Variants in PPFIBP2 observed in about 807,000 individuals in gnomAD.
PPFIBP2 encodes liprin-beta-2.
PPFIBP2 carries 118 observed loss-of-function variants against 118.3 expected under a neutral mutation model. The ratio of observed to expected loss-of-function variants is 1.00; its 90% CI spans 0.86 to 1.16. The LOEUF (loss-of-function observed/expected upper bound fraction) is 1.16, where lower values mean the gene tolerates loss of function less well. Ranked by LOEUF, PPFIBP2 falls within the 50% of genes most tolerant of loss-of-function variation. The pLI is 0.00. For missense variants in PPFIBP2, 1,195 were observed against 1,073.1 expected, an observed-to-expected ratio of 1.11 and a Z score of -1.59; for synonymous variants, 414 against 397.4, an observed-to-expected ratio of 1.04 and a Z score of -0.50.
At chr11:7,644,021 A>G (rs1315662007) in intron 17 of PPFIBP2, among the ~76,000 whole-genome samples, 1 of 152,056 alleles carries the variant, frequency 6.6e-6, no homozygotes, top group African/African-American at 2.4e-5. Context: ...AAAGTTTTCT[A>G]CTTTTATGAA....
chr11:7,602,087 C>CAAA (rs201003988), intron 5 of PPFIBP2, among the ~76,000 whole-genome samples: 840 of 54,958 alleles, frequency 0.015, 5 homozygotes, highest in African/African-American at 0.025. Flanking sequence ...GAATGAAACT[C>CAAA]AAAAAAAAAA....
chr11:7,665,623 C>T, the PPFIBP2 span: 14 of 1,452,556 alleles, frequency 9.6e-6, no homozygotes, highest in African/African-American at 1.4e-5. Flanking sequence ...TGCACACCCA[C>T]CCTCAGCCAG....
At chr11:7,648,565 C>G (rs1251757866) in intron 18 of PPFIBP2, 28 bp downstream of exon 18, 1 of 1,609,784 alleles carries the variant, frequency 6.2e-7, no homozygotes, top group Non-Finnish European at 8.5e-7. Flanking sequence ...GGAGAGGAGG[C>G]TCCCATTTCT....
At chr11:7,655,000 G>A (rs908189635), downstream of PPFIBP2, among the ~76,000 whole-genome samples, 3 of 152,170 alleles carry the variant, frequency 2.0e-5, no homozygotes, top group African/African-American at 7.2e-5. Context: ...GAGTAGTGAG[G>A]AAGGATGCCC....
intron 1 of PPFIBP2, among the ~76,000 whole-genome samples, chr11:7,535,015 C>G (rs2134377281): frequency 6.6e-6 from 1 of 152,354 alleles, no homozygotes; most frequent in Non-Finnish European, 1.5e-5. Flanking sequence ...CTTCCTTTGC[C>G]AAGGTGGCTC....
chr11:7,605,027 G>A (rs919670675), intron 5 of PPFIBP2, among the ~76,000 whole-genome samples: 2 of 152,222 alleles, frequency 1.3e-5, no homozygotes, highest in Non-Finnish European at 2.9e-5. Flanking sequence ...AAATGGGAAG[G>A]TCAGTCAGGG....
chr11:7,608,140 A>G (rs888530573), intron 5 of PPFIBP2, among the ~76,000 whole-genome samples: 1 of 152,232 alleles, frequency 6.6e-6, no homozygotes, highest in East Asian at 1.9e-4. Flanking sequence ...TAGCCTTAGC[A>G]CTGGGTCCTG....
intron 1 of PPFIBP2, among the ~76,000 whole-genome samples, chr11:7,529,095 G>A (rs1298679526): frequency 2.0e-5 from 3 of 152,106 alleles, no homozygotes; most frequent in African/African-American, 7.2e-5. Context: ...AATATTCAGA[G>A]GAAGAAGTTG....
At chr11:7,609,646 A>G (rs1338958530) in intron 5 of PPFIBP2, among the ~76,000 whole-genome samples, 1 of 152,202 alleles carries the variant, frequency 6.6e-6, no homozygotes, top group African/African-American at 2.4e-5. Flanking sequence ...GACTAGTAAT[A>G]ACCTCCCTGG....
At position 7,610,441 on chromosome 11, in the gene PPFIBP2, T is replaced by C; in HGVS notation, c.618+19T>C. The C allele has an allele frequency of 1.2e-6, 2 of 1,609,918 alleles. 1 individual carries two copies. Among genetic ancestry groups the C allele is most frequent in the Non-Finnish European group, 1.7e-6 (2 of 1,178,196 alleles). ...AGCAGAGGTAAGGGTGAGTGTGTAC[T>C]GTCCTAAGCTCAGACCTGGGAAGGC... On this transcript the variant is annotated intron_variant, in intron 6 of 23. Transcript: ENST00000299492.
intron 3 of PPFIBP2, chr11:7,577,320 CGTGTGT>C (rs148907232): frequency 2.3e-5 from 5 of 219,412 alleles, no homozygotes; most frequent in East Asian, 1.1e-4. Context: ...CATGTATGTG[CGTGTGT>C]GTGTGTGTGT....
At chr11:7,664,262 A>G in the PPFIBP2 span, among the ~76,000 whole-genome samples, 5 of 152,142 alleles carry the variant, frequency 3.3e-5, no homozygotes, top group African/African-American at 9.7e-5. Flanking sequence ...AACATGAATC[A>G]TATTTTCCCA....
intron 3 of PPFIBP2, among the ~76,000 whole-genome samples, chr11:7,581,114 G>C (rs1182283253): frequency 6.6e-6 from 1 of 152,242 alleles, no homozygotes; most frequent in Non-Finnish European, 1.5e-5. Flanking sequence ...GATCAGGGCT[G>C]ATGCTCTAGT....
At chr11:7,639,081 C>T (rs1851799609) in intron 14 of PPFIBP2, among the ~76,000 whole-genome samples, 1 of 152,208 alleles carries the variant, frequency 6.6e-6, no homozygotes, top group Non-Finnish European at 1.5e-5. Context: ...TTTTGCTCCA[C>T]ATTTAAACTA....
At chr11:7,649,826 T>C (rs117778855) in intron 21 of PPFIBP2, among the ~76,000 whole-genome samples, 172 bp downstream of exon 21, 1,794 of 152,336 alleles carry the variant, frequency 0.012, 8 homozygotes, top group Middle Eastern at 0.037. Context: ...TACCTGCACT[T>C]TGTGTCTCAC....
At chr11:7,638,253 C>T (rs184135948) in intron 14 of PPFIBP2, among the ~76,000 whole-genome samples, 34 of 152,296 alleles carry the variant, frequency 2.2e-4, no homozygotes, top group African/African-American at 7.9e-4. Flanking sequence ...GAAGAGCAGC[C>T]GGCACATGAA....
chr11:7,657,578 G>A (rs924891332), downstream of PPFIBP2, among the ~76,000 whole-genome samples: 3 of 152,130 alleles, frequency 2.0e-5, no homozygotes, highest in Non-Finnish European at 2.9e-5. Flanking sequence ...CAAGCTCCGT[G>A]TTTCCACCCC....
At chr11:7,581,676 G>A (rs1024949436) in intron 3 of PPFIBP2, among the ~76,000 whole-genome samples, 1 of 152,138 alleles carries the variant, frequency 6.6e-6, no homozygotes, top group African/African-American at 2.4e-5. Context: ...AGCAGCTTCT[G>A]TGAAGGCTGT....
chr11:7,665,914 G>GGTA, the PPFIBP2 span: 1 of 1,536,116 alleles, frequency 6.5e-7, no homozygotes, highest in South Asian at 1.2e-5. Context: ...TGCTCAGTAG[G>GGTA]GTAGCGCCCT....
Sources: allele counts gnomAD v4.1 joint callset (sites outside exome capture counted in the v4.1 genomes callset), GRCh38; gene constraint gnomAD v4.1.1; transcripts MANE v1.5; gene names NCBI Gene and HGNC (gene_info 2026-07-23, HGNC 2026-07-21).